Variants in RANBP2 observed in about 807,000 individuals in gnomAD.
RANBP2 encodes RAN binding protein 2.
Under a neutral mutation model 303.6 loss-of-function variants are expected in RANBP2, and 57 were observed. The ratio of observed to expected loss-of-function variants is 0.19; its 90% CI spans 0.15 to 0.23. The LOEUF is 0.23. Ranked by LOEUF, RANBP2 falls within the 10% of genes least tolerant of loss-of-function variation. The pLI is 1.00. For synonymous variants in RANBP2, 1,167 were observed against 1,301.5 expected (o/e 0.90, Z 2.23); for missense variants, 3,138 against 3,780.8 (o/e 0.83, Z 4.46).
chr2:109,051,671 G>C, the RANBP2 span, among the ~76,000 whole-genome samples: 15 of 152,174 alleles, frequency 9.9e-5, no homozygotes, highest in African/African-American at 2.4e-4. Flanking sequence ...GAAGGAAAAA[G>C]GGCATTTGGC....
chr2:109,048,220 A>G, the RANBP2 span, among the ~76,000 whole-genome samples: 1 of 152,194 alleles, frequency 6.6e-6, no homozygotes, highest in African/African-American at 2.4e-5. Context: ...GCTGCAGCTG[A>G]ATATTTTTGC....
chr2:108,787,985 A>G, downstream of RANBP2: 2 of 1,390,118 alleles, frequency 1.4e-6, no homozygotes, highest in South Asian at 1.3e-5. Flanking sequence ...TTGAGACAGT[A>G]AATTGATTTT....
At chr2:109,701,632 G>A in the RANBP2 span, among the ~76,000 whole-genome samples, 2 of 152,262 alleles carry the variant, frequency 1.3e-5, 1 homozygote, top group Admixed American at 1.3e-4. Flanking sequence ...ATGTGTCTCG[G>A]GTGAGCCTTA....
the RANBP2 span, among the ~76,000 whole-genome samples, chr2:109,263,639 C>G: frequency 6.6e-6 from 1 of 152,188 alleles, no homozygotes; most frequent in Non-Finnish European, 1.5e-5. Flanking sequence ...TCTGCCAGGA[C>G]AGTCTGTCAG....
chr2:108,764,246 G>A lies in RANBP2; in HGVS notation c.3707G>A (p.Arg1236Gln). 1.9e-6 allele frequency: 3 copies of A among 1,613,992 alleles called. No individual in the cohort carries two copies. The highest frequency in any genetic ancestry group is 8.5e-7 in the Non-Finnish European group (1 of 1,179,976). The change falls in exon 20 of 29, where the codon CGA becomes CAA. Residue 1236 changes from arginine to glutamine, a missense_variant. Arg to Gln is a conservative substitution (Grantham distance 43). Coordinates refer to ENST00000283195, the MANE Select transcript of RANBP2 (RefSeq NM_006267.5). ...GGTAAAATTCGCCTTCTAATGAGAC[G>A]AGAGCAAGTATTGAAAATCTGTGCA... ...TSGKIRLLMR[R>Q]EQVLKICANH...
chr2:109,278,010 CAAAAAAA>C, the RANBP2 span, among the ~76,000 whole-genome samples: 1,185 of 81,336 alleles, frequency 0.015, 10 homozygotes, highest in East Asian at 0.065. Context: ...CTGTCTCTAA[CAAAAAAA>C]AAAAAAAAAA....
chr2:109,443,771 G>A, the RANBP2 span, among the ~76,000 whole-genome samples: 1 of 152,134 alleles, frequency 6.6e-6, no homozygotes, highest in Non-Finnish European at 1.5e-5. Context: ...AAAGGTACAA[G>A]GAGAAATAAA....
the RANBP2 span, among the ~76,000 whole-genome samples, chr2:109,028,949 A>G: frequency 3.0e-4 from 45 of 150,790 alleles, no homozygotes; most frequent in Non-Finnish European, 4.4e-4. Flanking sequence ...TTGTTTGTTT[A>G]TTTATTTATT....
At chr2:109,120,667 CAAAAAAAA>C in the RANBP2 span, among the ~76,000 whole-genome samples, 19 of 59,894 alleles carry the variant, frequency 3.2e-4, no homozygotes, top group African/African-American at 1.2e-3. Context: ...AACTCCGTCT[CAAAAAAAA>C]AAAAAAAAAA....
chr2:109,037,100 G>A, the RANBP2 span, among the ~76,000 whole-genome samples: 1 of 152,036 alleles, frequency 6.6e-6, no homozygotes, highest in Non-Finnish European at 1.5e-5. Context: ...AGTGAGCCAA[G>A]ATCATGCTGC....
chr2:109,253,612 G>A, the RANBP2 span, among the ~76,000 whole-genome samples: 8 of 152,186 alleles, frequency 5.3e-5, no homozygotes, highest in East Asian at 1.9e-4. Context: ...ACAGTCTTTC[G>A]GTTTAGCCTG....
At chr2:109,090,327 CACACACACA>C in the RANBP2 span, among the ~76,000 whole-genome samples, 1 of 141,104 alleles carries the variant, frequency 7.1e-6, no homozygotes, top group South Asian at 2.4e-4. Context: ...CACACACACA[CACACACACA>C]CACACACACA....
the RANBP2 span, among the ~76,000 whole-genome samples, chr2:109,302,786 A>T: frequency 6.6e-6 from 1 of 152,198 alleles, no homozygotes; most frequent in Non-Finnish European, 1.5e-5. Flanking sequence ...GGCTGAAATA[A>T]GTTAAATAAG....
the RANBP2 span, among the ~76,000 whole-genome samples, chr2:109,030,369 CGTAA>C: frequency 6.6e-6 from 1 of 152,158 alleles, no homozygotes. Flanking sequence ...GTGAATTTCA[CGTAA>C]GTAAAGCCCA....
At chr2:109,107,224 C>CTTTTTTTTT in the RANBP2 span, among the ~76,000 whole-genome samples, 1 of 141,106 alleles carries the variant, frequency 7.1e-6, no homozygotes, top group Admixed American at 7.0e-5. Flanking sequence ...CGCACCCAGC[C>CTTTTTTTTT]TTTTTTTTTT....
At chr2:109,135,039 T>A in the RANBP2 span, among the ~76,000 whole-genome samples, 1 of 152,358 alleles carries the variant, frequency 6.6e-6, no homozygotes, top group Non-Finnish European at 1.5e-5. Flanking sequence ...GCTCTGCTCC[T>A]CTGTTGGCTT....
At chr2:109,244,111 T>G in the RANBP2 span, among the ~76,000 whole-genome samples, 41 of 152,200 alleles carry the variant, frequency 2.7e-4, no homozygotes, top group Non-Finnish European at 5.4e-4. Flanking sequence ...AGAATAGTTT[T>G]CCTTGAACTT....
chr2:109,452,054 C>T, the RANBP2 span, among the ~76,000 whole-genome samples: 1 of 152,258 alleles, frequency 6.6e-6, no homozygotes, highest in Non-Finnish European at 1.5e-5. Flanking sequence ...AAGCACTGGT[C>T]TACAAAACCA....
At chr2:109,090,844 A>G in the RANBP2 span, among the ~76,000 whole-genome samples, 1 of 152,126 alleles carries the variant, frequency 6.6e-6, no homozygotes, top group Non-Finnish European at 1.5e-5. Context: ...AGTCAAACTT[A>G]TATATATCAT....
Sources: gnomAD v4.1 joint callset for allele counts (sites outside exome capture counted in the v4.1 genomes callset) on GRCh38, gnomAD v4.1.1 for gene constraint, MANE v1.5 for transcripts, NCBI Gene and HGNC (gene_info 2026-07-23, HGNC 2026-07-21) for gene names.